The following TMEM216 variants were observed in gnomAD, a reference collection of about 807,000 sequenced individuals.
TMEM216 encodes transmembrane protein 216, also known as cerebello-oculo-renal syndrome 2.
Under a neutral mutation model 17.8 loss-of-function variants are expected in TMEM216, and 15 were observed. That is an observed-to-expected ratio of 0.84 (90% CI 0.56 to 1.30). The LOEUF (loss-of-function observed/expected upper bound fraction) is 1.30, where lower values mean the gene tolerates loss of function less well. TMEM216 is among the 50% of genes most tolerant of loss of function. The pLI, the probability that TMEM216 is intolerant of heterozygous loss-of-function variation, is 0.00. For synonymous variants in TMEM216, 58 were observed against 73.5 expected, an observed-to-expected ratio of 0.79 and a Z score of 1.08; for missense variants, 160 against 175.7, an observed-to-expected ratio of 0.91 and a Z score of 0.51.
Position 61,393,306 on chromosome 11 carries a change from T to C in TMEM216, c.110T>C (p.Leu37Pro), listed in dbSNP as rs1477573842. 1 of 1,535,950 alleles carries C rather than the reference T, an allele frequency of 6.5e-7. No homozygotes were observed. The highest frequency in any genetic ancestry group is 8.7e-7 in the Non-Finnish European group (1 of 1,146,728). Residue 37 changes from leucine (L) to proline (P), a missense_variant, in exon 2 of 5, where the codon CTG becomes CCG. By Grantham distance (98) the Leu-to-Pro change is moderately conservative (BLOSUM62 -3). Coordinates refer to ENST00000515837, the MANE Select transcript of TMEM216 (RefSeq NM_001173990.3). ...NGWYNATYFL[L>P]ELFIFLYKGV... is the part of the protein sequence containing the mutation. The stretch of plus-strand genomic sequence containing the variant: ...TGGTATAATGCTACCTATTTCCTGC[T>C]GGAACTTTTCATATTTCTGTATAAA...
intron 3 of TMEM216, 34 bp from the exon 4 acceptor site, chr11:61,397,740 A>G (rs1484166103): frequency 1.3e-6 from 2 of 1,595,222 alleles, no homozygotes; most frequent in South Asian, 2.2e-5. Flanking sequence ...AAAGCAGACC[A>G]TTTGGAGATG....
At position 61,397,821 on chromosome 11, in the gene TMEM216, G is replaced by A. The variant is rs541257103; in HGVS notation, c.277G>A (p.Val93Met). The change falls in exon 4 of 5, where the codon GTG (valine) becomes ATG (methionine). Residue 93 changes from valine (V) to methionine (M), a missense_variant. Coordinates refer to ENST00000515837, the MANE Select transcript of TMEM216 (RefSeq NM_001173990.3). ...GCGAAAGATGCCGCTCAGTATTAGC[G>A]TGGCCTTGACCTTCCCATCTGCCAT... ...CQRKMPLSIS[V>M]ALTFPSAMMA... The A allele has an allele frequency of 2.5e-5, 41 of 1,613,930 alleles. No homozygotes were observed. In the Admixed American group the frequency reaches 3.7e-4, roughly 14 times the overall value.
chr11:61,392,895 C>A (rs371254839), intron 1 of TMEM216: 1 of 985,158 alleles, frequency 1.0e-6, no homozygotes, highest in Admixed American at 6.2e-5. Context: ...TAGGCTGGCT[C>A]AGGTGCGAAT....
In TMEM216 at chr11:61,397,755, C is replaced by T. The variant is rs1254916947; in HGVS notation, c.230-19C>T. The T allele has an allele frequency of 6.2e-7, 1 of 1,608,972 alleles. No homozygotes were observed. The highest frequency in any genetic ancestry group is 1.1e-5 in the South Asian group (1 of 90,930). On this transcript the variant is annotated intron_variant, in intron 3 of 4. Coordinates refer to ENST00000515837, the MANE Select transcript of TMEM216 (RefSeq NM_001173990.3). ...AAAGCAGACCATTTGGAGATGACTC[C>T]ATGGGCTGTGTCTGACAGGTACAAA...
At chr11:61,395,265 A>C (rs1269826467) in intron 3 of TMEM216, among the ~76,000 whole-genome samples, 1 of 152,092 alleles carries the variant, frequency 6.6e-6, no homozygotes, top group Non-Finnish European at 1.5e-5. Context: ...GCGTGAGCCA[A>C]CATGCCTGGC....
intron 1 of TMEM216, chr11:61,392,920 G>C: frequency 1.0e-6 from 1 of 972,440 alleles, no homozygotes; most frequent in African/African-American, 1.8e-5. Context: ...TGGTCTCTGC[G>C]CCCCAACTTC....
Position 61,398,547 on chromosome 11 carries a change from C to T in TMEM216, c.*271C>T. The T allele has an allele frequency of 2.0e-6, 1 of 497,824 alleles. No homozygotes were observed. The highest frequency in any genetic ancestry group is 3.2e-5 in the East Asian group (1 of 30,876). 30.8% of individuals were successfully genotyped at this position (497,824 alleles called of 1,614,324 possible). The stretch of plus-strand genomic sequence containing the variant: ...TCCTGCCCCTTCTCAGAACCAGTCC[C>T]CTGCTGACCTCAAGTTCTCCTCCTT... On this transcript the variant is annotated 3_prime_UTR_variant, in exon 5 of 5. Coordinates refer to ENST00000515837, the MANE Select transcript of TMEM216 (RefSeq NM_001173990.3).
chr11:61,394,178 T>G, intron 3 of TMEM216: 1 of 554,400 alleles, frequency 1.8e-6, no homozygotes, highest in South Asian at 2.1e-5. Context: ...AGGCTAGAGA[T>G]GGGCAATAGA....
chr11:61,397,952 G>T lies in TMEM216; in HGVS notation c.408G>T (p.Val136=), dbSNP rs911000618. Residue 136 remains valine, a synonymous_variant, in exon 4 of 5, where the codon GTG becomes GTT. Coordinates refer to ENST00000515837, the MANE Select transcript of TMEM216 (RefSeq NM_001173990.3). The part of the protein sequence containing the change: ...FFCGSELLLE[V]LTLAAFSRI ...GTGGCTCAGAGCTTTTACTTGAGGT[G>T]CTCACCTTGGCTGCTTTCTCCAGGT... 3.7e-6 allele frequency: 6 copies of T among 1,613,716 alleles called. No homozygotes were observed. Among genetic ancestry groups the T allele is most frequent in the Admixed American group, 1.7e-5 (1 of 59,994 alleles).
chr11:61,393,853 T>C, intron 2 of TMEM216, 31 bp from the exon 3 acceptor site: 1 of 1,590,340 alleles, frequency 6.3e-7, no homozygotes, highest in Non-Finnish European at 8.6e-7. Flanking sequence ...TGTTATATGC[T>C]GTTTGCAAAC....
At chr11:61,395,853 A>AT (rs914273570) in intron 3 of TMEM216, among the ~76,000 whole-genome samples, 31 of 152,106 alleles carry the variant, frequency 2.0e-4, no homozygotes, top group Admixed American at 3.3e-4. Flanking sequence ...ACAAAGTAAC[A>AT]TTTTTTACCC....
At chr11:61,397,688 G>A (rs1325146818) in intron 3 of TMEM216, 86 bp from the exon 4 acceptor site, 1 of 1,249,808 alleles carries the variant, frequency 8.0e-7, no homozygotes, top group Non-Finnish European at 1.1e-6. Context: ...TTTGTGCCTT[G>A]CCATTCCATC....
chr11:61,398,000 T>C (rs376214748), intron 4 of TMEM216, 25 bp downstream of exon 4: 17 of 1,611,890 alleles, frequency 1.1e-5, no homozygotes, highest in African/African-American at 1.3e-5. Flanking sequence ...GGACCATTTC[T>C]CATCACTAGA....
intron 3 of TMEM216, among the ~76,000 whole-genome samples, chr11:61,396,218 C>T (rs1185689714): frequency 2.6e-5 from 4 of 152,144 alleles, no homozygotes; most frequent in Non-Finnish European, 2.9e-5. Context: ...TGGTGGCTCA[C>T]GCCTGTAATC....
intron 3 of TMEM216, among the ~76,000 whole-genome samples, chr11:61,394,775 T>A (rs1200426092): frequency 6.6e-6 from 1 of 151,828 alleles, no homozygotes; most frequent in Admixed American, 6.6e-5. Flanking sequence ...CAAGCAATTC[T>A]CCTGCCTCAG....
Position 61,398,268 on chromosome 11 carries a change from A to C in TMEM216, c.432-2A>C. The C allele has an allele frequency of 6.2e-7, 1 of 1,611,846 alleles. No homozygotes were observed. Among genetic ancestry groups the C allele is most frequent in the African/African-American group, 1.3e-5 (1 of 74,974 alleles). On this transcript the variant is annotated splice_acceptor_variant, in intron 4 of 4. Transcript: ENST00000515837. LOFTEE classifies it high-confidence loss of function. ...TCTTTCTTTCTGCCATCGTATGGAC[A>C]GGATTTGAAGTACAGAATTTCAGCC...
rs7107543 is a variant in TMEM216, at chr11:61,392,630, G to A, written c.-2G>A. 2.0e-6 allele frequency: 3 copies of A among 1,535,270 alleles called. No individual in the cohort carries two copies. The highest frequency in any genetic ancestry group is 2.6e-6 in the Non-Finnish European group (3 of 1,146,346). On this transcript the variant is annotated 5_prime_UTR_variant, in exon 1 of 5. Transcript: ENST00000515837. ...CTGCTCCGGGAGCCGCTGTGGCAGC[G>A]TATGCTGCCACGGGGACTGAAGATG...
chr11:61,394,107 C>T (rs533182596), intron 3 of TMEM216, 131 bp downstream of exon 3: 1 of 812,694 alleles, frequency 1.2e-6, no homozygotes, highest in African/African-American at 1.7e-5. Context: ...TACTCCGTCT[C>T]TGAAGTTTCA....
chr11:61,394,690 G>A (rs1341681363), intron 3 of TMEM216, among the ~76,000 whole-genome samples: 45 of 136,706 alleles, frequency 3.3e-4, no homozygotes, highest in Non-Finnish European at 5.4e-4. Flanking sequence ...TTTTTGAGAT[G>A]GAGTCTCACT....
Sources: allele counts gnomAD v4.1 joint callset (sites outside exome capture counted in the v4.1 genomes callset), GRCh38; gene constraint gnomAD v4.1.1; transcripts MANE v1.5; gene names NCBI Gene and HGNC (gene_info 2026-07-23, HGNC 2026-07-21).